Variants in CLUAP1 observed in about 807,000 individuals in gnomAD.
CLUAP1 encodes clusterin-associated protein 1.
CLUAP1 carries 50 observed loss-of-function variants against 55.0 expected under a neutral mutation model. That is an observed-to-expected ratio of 0.91 (90% confidence interval 0.72 to 1.15). The LOEUF is 1.15. CLUAP1 is among the 50% of genes most tolerant of loss of function. The probability of loss-of-function intolerance (pLI) is 0.00; values close to 1 mark genes in which losing one functional copy is unlikely to be tolerated. For synonymous variants in CLUAP1, 195 were observed against 175.4 expected (o/e 1.11, Z -0.88); for missense variants, 530 against 507.6 (o/e 1.04, Z -0.42).
At chr16:3,522,176 T>C (rs1567434116) in intron 7 of CLUAP1, among the ~76,000 whole-genome samples, 3 of 152,144 alleles carry the variant, frequency 2.0e-5, no homozygotes. Context: ...TATTATTATT[T>C]CTTTTGAGAT....
rs564585353 is a variant in CLUAP1, at chr16:3,531,844, T to TC, written c.1037-942_1037-941insC. The stretch of plus-strand genomic sequence containing the variant: ...TCAGCAATAGATCTGCCCCCTAATT[T>TC]TTTTTTTTTTTCTTTTTGAGACAAA... On this transcript the variant is annotated intron_variant, in intron 10 of 11. Coordinates refer to ENST00000576634, the MANE Select transcript of CLUAP1 (RefSeq NM_015041.3). 3.2e-3 allele frequency among the ~76,000 whole-genome samples: 493 copies of TC among 151,964 alleles called. 3 individuals carry two copies. The highest frequency in any genetic ancestry group is 0.02 in the Middle Eastern group (6 of 294).
intron 1 of CLUAP1, among the ~76,000 whole-genome samples, chr16:3,503,264 C>T (rs924465332): frequency 3.3e-5 from 5 of 151,880 alleles, no homozygotes; most frequent in African/African-American, 7.3e-5. Flanking sequence ...CCTGGGTTCA[C>T]GCCATTCTCC....
chr16:3,504,359 G>A (rs1415778413), intron 1 of CLUAP1, among the ~76,000 whole-genome samples: 3 of 152,168 alleles, frequency 2.0e-5, no homozygotes, highest in Admixed American at 6.5e-5. Context: ...TCAAACCACT[G>A]TTGACATTTA....
chr16:3,536,062 G>A (rs768382836), intron 11 of CLUAP1, 60 bp from the exon 12 acceptor site: 2 of 1,588,308 alleles, frequency 1.3e-6, no homozygotes, highest in African/African-American at 1.3e-5. Flanking sequence ...GAGAGTCTTA[G>A]GACAAGATGT....
upstream of CLUAP1, chr16:3,496,534 C>A: frequency 1.8e-6 from 1 of 560,930 alleles, no homozygotes; most frequent in South Asian, 1.4e-5. Context: ...AGCCGGCCCA[C>A]AGCGGCATCC....
chr16:3,525,463 T>C (rs2037923855), intron 8 of CLUAP1, among the ~76,000 whole-genome samples: 1 of 152,152 alleles, frequency 6.6e-6, no homozygotes, highest in Admixed American at 6.6e-5. Flanking sequence ...AAATACCCCA[T>C]GCCGGAAACA....
chr16:3,528,380 C>CTGTG (rs140121457), intron 9 of CLUAP1, among the ~76,000 whole-genome samples: 1,977 of 152,266 alleles, frequency 0.013, 46 homozygotes, highest in African/African-American at 0.045. Context: ...TGCACCTGTT[C>CTGTG]TGTGACTCTC....
chr16:3,498,363 A>G (rs1268080934), upstream of CLUAP1, among the ~76,000 whole-genome samples: 1 of 152,154 alleles, frequency 6.6e-6, no homozygotes, highest in African/African-American at 2.4e-5. Flanking sequence ...ACACTGAAAA[A>G]TAATGTTTTA....
At chr16:3,532,888 C>A in intron 11 of CLUAP1, 47 bp downstream of exon 11, 1 of 1,599,784 alleles carries the variant, frequency 6.3e-7, no homozygotes, top group Non-Finnish European at 8.6e-7. Flanking sequence ...CTGGGTTTGG[C>A]TGTCCCCATA....
intron 9 of CLUAP1, among the ~76,000 whole-genome samples, chr16:3,527,372 C>T (rs751903645): frequency 3.9e-5 from 6 of 152,094 alleles, no homozygotes; most frequent in African/African-American, 7.2e-5. Flanking sequence ...GACCAGAAGA[C>T]AAGAGTGCAA....
intron 3 of CLUAP1, among the ~76,000 whole-genome samples, chr16:3,507,509 G>A (rs904108029): frequency 2.6e-5 from 4 of 151,260 alleles, no homozygotes; most frequent in East Asian, 1.9e-4. Context: ...GCAGTGAGCC[G>A]GGATCATGTC....
chr16:3,508,528 T>C (rs996745280), intron 4 of CLUAP1, 60 bp downstream of exon 4: 7 of 1,428,528 alleles, frequency 4.9e-6, no homozygotes, highest in Non-Finnish European at 6.5e-6. Flanking sequence ...AGCTCTGAAG[T>C]GGAAGGAGTC....
chr16:3,533,653 T>C (rs2038173648), intron 11 of CLUAP1: 1 of 160,960 alleles, frequency 6.2e-6, no homozygotes, highest in Non-Finnish European at 1.4e-5. Flanking sequence ...CTACGTTCTT[T>C]GTTGCGTCCC....
chr16:3,518,535 G>A (rs983897181), intron 6 of CLUAP1, among the ~76,000 whole-genome samples: 2 of 152,212 alleles, frequency 1.3e-5, no homozygotes, highest in African/African-American at 4.8e-5. Context: ...CTTGTTTGAG[G>A]AACAGATATG....
upstream of CLUAP1, among the ~76,000 whole-genome samples, chr16:3,497,440 CAT>C (rs1363145407): frequency 6.6e-6 from 1 of 152,274 alleles, no homozygotes; most frequent in Non-Finnish European, 1.5e-5. Context: ...GAAAGCATCA[CAT>C]GTTCATGGAC....
At chr16:3,507,910 A>G (rs975219369) in intron 3 of CLUAP1, among the ~76,000 whole-genome samples, 2 of 152,114 alleles carry the variant, frequency 1.3e-5, no homozygotes, top group African/African-American at 2.4e-5. Flanking sequence ...TGGATTTGCC[A>G]TAATTTATGT....
At chr16:3,511,548 G>A (rs1199335211) in intron 4 of CLUAP1, among the ~76,000 whole-genome samples, 1 of 152,192 alleles carries the variant, frequency 6.6e-6, no homozygotes, top group Non-Finnish European at 1.5e-5. Context: ...ACGAAACACA[G>A]GACGTCAGGC....
Position 3,512,374 on chromosome 16 carries a change from T to G in CLUAP1, c.400-9T>G. 6.2e-7 allele frequency: 1 copy of G among 1,610,048 alleles called. No individual in the cohort carries two copies. On this transcript the variant is annotated splice_polypyrimidine_tract_variant and intron_variant, in intron 4 of 11. Transcript: ENST00000576634. ...GCTGAGGTTTCTGTTTTTGTTATTT[T>G]CCTTCCAGATTGCAGATTTGAAGGC...
chr16:3,506,674 T>C (rs1233631875), intron 3 of CLUAP1, among the ~76,000 whole-genome samples: 1 of 152,034 alleles, frequency 6.6e-6, no homozygotes, highest in South Asian at 2.1e-4. Flanking sequence ...GGCTAATTTT[T>C]GCATTTTTAG....
Sources: allele counts gnomAD v4.1 joint callset (sites outside exome capture counted in the v4.1 genomes callset), GRCh38; gene constraint gnomAD v4.1.1; transcripts MANE v1.5; gene names NCBI Gene and HGNC (gene_info 2026-07-23, HGNC 2026-07-21).